ZNF493: variants seen among roughly 807,000 people sequenced by gnomAD.
ZNF493 encodes zinc finger protein 493.
A neutral mutation model predicts 12.2 loss-of-function variants in ZNF493; 11 were observed. That is an observed-to-expected ratio of 0.90 (90% confidence interval 0.57 to 1.50). The LOEUF (loss-of-function observed/expected upper bound fraction) is 1.50, where lower values mean the gene tolerates loss of function less well. Ranked by LOEUF, ZNF493 falls within the 40% of genes most tolerant of loss-of-function variation. The pLI is 0.00. For missense variants in ZNF493, 950 were observed against 906.6 expected (o/e 1.05, Z -0.61); for synonymous variants, 286 against 302.6 (o/e 0.95, Z 0.57).
At position 21,425,557 on chromosome 19, in the gene ZNF493, C is replaced by T; in HGVS notation, c.*573C>T. On this transcript the variant is annotated 3_prime_UTR_variant, in exon 4 of 4. Coordinates refer to ENST00000392288, the MANE Select transcript of ZNF493 (RefSeq NM_001076678.3). ...GAATGTGGCAAAGCCTTTAGCCTGT[C>T]CCTCCAATTTACTGCACATAAGATA... 1.7e-6 allele frequency: 1 copy of T among 577,032 alleles called. No individual in the cohort carries two copies. The highest frequency in any genetic ancestry group is 3.1e-4 in the Middle Eastern group (1 of 3,268). The allele number at this position is 577,032 out of a possible 1,614,324, so 35.7% of individuals were successfully genotyped here.
At chr19:21,397,686 A>T in intron 1 of ZNF493, 1 of 419,778 alleles carries the variant, frequency 2.4e-6, no homozygotes, top group Non-Finnish European at 4.2e-6. Context: ...CACTGCAAAA[A>T]TATTAAAGAA....
chr19:21,415,219 CTATT>C (rs1485169292), intron 3 of ZNF493, among the ~76,000 whole-genome samples: 22 of 152,098 alleles, frequency 1.4e-4, no homozygotes, highest in African/African-American at 2.2e-4. Flanking sequence ...TGGGTCTATT[CTATT>C]TATTTGAGCT....
chr19:21,416,345 A>T (rs1288423726), intron 3 of ZNF493, among the ~76,000 whole-genome samples: 1 of 152,204 alleles, frequency 6.6e-6, no homozygotes, highest in African/African-American at 2.4e-5. Flanking sequence ...TGTGCTCCCC[A>T]TTGTTGTAAT....
intron 1 of ZNF493, among the ~76,000 whole-genome samples, chr19:21,399,763 T>C (rs1385826724): frequency 6.6e-6 from 1 of 152,174 alleles, no homozygotes; most frequent in Non-Finnish European, 1.5e-5. Flanking sequence ...GGCTTAGCTT[T>C]TAGAGTGCTG....
intron 1 of ZNF493, chr19:21,397,702 T>C (rs1235276724): frequency 2.6e-6 from 1 of 383,512 alleles, no homozygotes; most frequent in South Asian, 5.5e-5. Flanking sequence ...AAGAATGTAA[T>C]CAAAGAGTGG....
chr19:21,420,609 ATATATATATATATATTTTTTTTTTTTTT>A (rs1406617954), intron 3 of ZNF493, among the ~76,000 whole-genome samples: 2 of 9,732 alleles, frequency 2.1e-4, no homozygotes, highest in Admixed American at 1.2e-3. Context: ...ATATATATAT[ATATATATATATATATTTTTTTTTTTTTT>A]TTTTTTTTTT....
chr19:21,397,843 T>C (rs1300850990), intron 1 of ZNF493: 1 of 157,756 alleles, frequency 6.3e-6, no homozygotes, highest in East Asian at 1.9e-4. Context: ...AGTTACATGG[T>C]TTCTTAATAT....
rs1370811295 is a variant in ZNF493, at chr19:21,424,966, A to G, written c.2307A>G (p.Glu769=). ...TAATTCATATTGGAATTCATACTGA[A>G]GAGACTGTACAAAAGTGAAGAATGT... is the stretch of plus-strand genomic sequence containing the variant. ...HKIIHIGIHT[E]ETVQK The change falls in exon 4 of 4, where the codon GAA becomes GAG. Residue 769 remains glutamate (E), a synonymous_variant. Transcript: ENST00000392288. 3.1e-6 allele frequency: 5 copies of G among 1,594,882 alleles called. No individual in the cohort carries two copies. The South Asian group carries it at 5.7e-5, about 18-fold the overall frequency.
At chr19:21,418,081 T>G (rs1305966521) in intron 3 of ZNF493, among the ~76,000 whole-genome samples, 1 of 152,202 alleles carries the variant, frequency 6.6e-6, no homozygotes, top group Non-Finnish European at 1.5e-5. Flanking sequence ...CCTGCCTGAA[T>G]GGAACTAAGA....
At position 21,424,114 on chromosome 19, in the gene ZNF493, A is replaced by T. The variant is rs1032020222; in HGVS notation, c.1455A>T (p.Glu485Asp). The change falls in exon 4 of 4, where the codon GAA becomes GAT. Residue 485 changes from glutamate (E) to aspartate (D), a missense_variant. By Grantham distance (45) the Glu-to-Asp change is conservative. Coordinates refer to ENST00000392288, the MANE Select transcript of ZNF493 (RefSeq NM_001076678.3). ...TLTKHRIIHT[E>D]EKPYKCEECG... ...CTAAACATAGGATAATTCATACTGA[A>T]GAGAAACCCTACAAATGTGAAGAAT... 40 of 1,613,590 alleles carry T rather than the reference A, an allele frequency of 2.5e-5. No homozygotes were observed. The highest frequency in any genetic ancestry group is 3.1e-5 in the Non-Finnish European group (37 of 1,179,812).
chr19:21,401,975 T>C (rs2029960748), intron 1 of ZNF493, among the ~76,000 whole-genome samples: 1 of 150,448 alleles, frequency 6.6e-6, no homozygotes, highest in Non-Finnish European at 1.5e-5. Flanking sequence ...TTTATTTATT[T>C]ATTTATTTTT....
At position 21,423,188 on chromosome 19, in the gene ZNF493, A is replaced by C; in HGVS notation, c.529A>C (p.Thr177Pro). Residue 177 changes from threonine (T) to proline (P), a missense_variant, in exon 4 of 4, where the codon ACT becomes CCT. Physicochemically the swap from Thr to Pro is conservative, Grantham distance 38 (BLOSUM62 -1). Coordinates refer to ENST00000392288, the MANE Select transcript of ZNF493 (RefSeq NM_001076678.3). Reference protein sequence around the residue: ...LNSNRHNTKHTGKKPFKCKKC... With the variant: ...LNSNRHNTKHPGKKPFKCKKC... ...TTCAAATAGACATAACACAAAACAT[A>C]CTGGAAAGAAACCTTTCAAATGTAA... 6.2e-7 allele frequency: 1 copy of C among 1,613,792 alleles called. No individual in the cohort carries two copies. The highest frequency in any genetic ancestry group is 1.1e-5 in the South Asian group (1 of 91,052).
In ZNF493 at chr19:21,425,492, TAAGATA is replaced by T; in HGVS notation, c.*510_*515del. On this transcript the variant is annotated 3_prime_UTR_variant, in exon 4 of 4. Coordinates refer to ENST00000392288, the MANE Select transcript of ZNF493 (RefSeq NM_001076678.3). ...ACAAATCCTCATCCATTAGTAAACA[TAAGATA>T]ATTCATACTGGAGAGAAAACCTACA... The T allele has an allele frequency of 4.2e-6, 2 of 479,450 alleles. No homozygotes were observed. The highest frequency in any genetic ancestry group is 1.8e-5 in the South Asian group (1 of 54,766). The allele number at this position is 479,450 out of a possible 1,614,324, so 29.7% of individuals were successfully genotyped here.
chr19:21,400,943 T>C (rs1441450427), intron 1 of ZNF493, among the ~76,000 whole-genome samples: 1 of 152,242 alleles, frequency 6.6e-6, no homozygotes, highest in Non-Finnish European at 1.5e-5. Flanking sequence ...GAATGCCTTT[T>C]ATTTCTCTCT....
In ZNF493 at chr19:21,408,022, G is replaced by A. The variant is rs1363435402; in HGVS notation, c.253+2166G>A. On this transcript the variant is annotated intron_variant, in intron 3 of 3. Transcript: ENST00000392288. ...TGCCCTCTGGGTTTGTAGTGGAGTG[G>A]GGTTGTAACTTGGTTGCAAGGCTGC... 1.4e-5 allele frequency: 14 copies of A among 985,022 alleles called. No individual in the cohort carries two copies. In the African/African-American group the frequency reaches 2.5e-4, roughly 17 times the overall value. 61.0% of individuals were successfully genotyped at this position (985,022 alleles called of 1,614,324 possible). A position where few individuals can be genotyped will look rare whatever the true frequency, so the allele number is the denominator to read the frequency against.
At chr19:21,412,781 T>C in intron 3 of ZNF493, 1 of 264,790 alleles carries the variant, frequency 3.8e-6, no homozygotes, top group Non-Finnish European at 7.3e-6. Flanking sequence ...TTTAAATATT[T>C]TAATTTTGCA....
intron 3 of ZNF493, chr19:21,411,915 G>A (rs2030339210): frequency 6.6e-6 from 1 of 151,926 alleles, no homozygotes; most frequent in African/African-American, 2.4e-5. Flanking sequence ...AGATTACATT[G>A]AGCATTATGG....
intron 2 of ZNF493, 174 bp from the exon 3 acceptor site, chr19:21,405,587 A>T: frequency 8.9e-7 from 1 of 1,120,462 alleles, no homozygotes; most frequent in Non-Finnish European, 1.2e-6. Context: ...TGGCAAAATT[A>T]AGCACCTACA....
Position 21,425,232 on chromosome 19 carries a change from A to T in ZNF493, c.*248A>T. 1.8e-6 allele frequency: 1 copy of T among 545,670 alleles called. No individual in the cohort carries two copies. 33.8% of individuals were successfully genotyped at this position (545,670 alleles called of 1,614,324 possible). On this transcript the variant is annotated 3_prime_UTR_variant, in exon 4 of 4. Transcript: ENST00000392288. ...AGGCTTTAATTAGTTCTCATCCCTT[A>T]CTAAACATAAGAGAATTCATACCAT...
Sources: allele counts gnomAD v4.1 joint callset (sites outside exome capture counted in the v4.1 genomes callset), GRCh38; gene constraint gnomAD v4.1.1; transcripts MANE v1.5; gene names NCBI Gene and HGNC (gene_info 2026-07-23, HGNC 2026-07-21).